Variants in SPATS2L observed in about 807,000 individuals in gnomAD.
SPATS2L encodes the protein spermatogenesis associated serine rich 2 like.
SPATS2L carries 30 observed loss-of-function variants against 59.6 expected under a neutral mutation model. The observed-to-expected ratio is 0.50, with a 90% CI of 0.38 to 0.68. The LOEUF (loss-of-function observed/expected upper bound fraction) is 0.68. Among genes scored for constraint, SPATS2L ranks in the 30% least tolerant of loss-of-function variants. SPATS2L has a pLI of 0.00. For synonymous variants in SPATS2L, 252 were observed against 263.5 expected, an observed-to-expected ratio of 0.96 and a Z score of 0.42; for missense variants, 615 against 700.0, an observed-to-expected ratio of 0.88 and a Z score of 1.37.
At chr2:200,365,983 C>A (rs1559071252) in intron 2 of SPATS2L, among the ~76,000 whole-genome samples, 1 of 152,144 alleles carries the variant, frequency 6.6e-6, no homozygotes, top group Non-Finnish European at 1.5e-5. Flanking sequence ...GAATGGTAGA[C>A]CTGTGTTTAA....
At chr2:200,352,733 T>C (rs2080784278) in intron 2 of SPATS2L, among the ~76,000 whole-genome samples, 1 of 152,190 alleles carries the variant, frequency 6.6e-6, no homozygotes, top group Non-Finnish European at 1.5e-5. Flanking sequence ...AGACAATTGC[T>C]TTCTTGTTCC....
chr2:200,424,626 A>G (rs1309685017), intron 6 of SPATS2L, among the ~76,000 whole-genome samples: 1 of 152,188 alleles, frequency 6.6e-6, no homozygotes, highest in Non-Finnish European at 1.5e-5. Context: ...CTCCTGCCCT[A>G]TGCTTCCTGA....
At chr2:200,424,895 G>A (rs753434351) in intron 6 of SPATS2L, among the ~76,000 whole-genome samples, 21 of 152,202 alleles carry the variant, frequency 1.4e-4, no homozygotes, top group African/African-American at 2.6e-4. Flanking sequence ...CCAAGTCTTC[G>A]GTCCCTGTTC....
intron 6 of SPATS2L, among the ~76,000 whole-genome samples, chr2:200,430,213 C>T (rs2083825931): frequency 6.6e-6 from 1 of 152,202 alleles, no homozygotes; most frequent in Non-Finnish European, 1.5e-5. Flanking sequence ...GATGGGCACT[C>T]ACACAATCCT....
chr2:200,402,103 T>A (rs988315198), intron 3 of SPATS2L, among the ~76,000 whole-genome samples: 9 of 152,226 alleles, frequency 5.9e-5, no homozygotes, highest in Non-Finnish European at 4.4e-5. Context: ...TTTGTGAGTC[T>A]TTTTCTACAC....
intron 2 of SPATS2L, among the ~76,000 whole-genome samples, chr2:200,346,151 G>A (rs945662446): frequency 6.6e-6 from 1 of 152,158 alleles, no homozygotes; most frequent in Non-Finnish European, 1.5e-5. Context: ...TATAATTTCA[G>A]AATGACTTCA....
At chr2:200,313,091 A>G (rs899944220) in intron 1 of SPATS2L, among the ~76,000 whole-genome samples, 3 of 152,228 alleles carry the variant, frequency 2.0e-5, no homozygotes, top group African/African-American at 7.2e-5. Flanking sequence ...TCTGACACCC[A>G]GGCCCTGCTT....
At chr2:200,369,031 AC>A (rs2081344508) in intron 2 of SPATS2L, among the ~76,000 whole-genome samples, 1 of 151,882 alleles carries the variant, frequency 6.6e-6, no homozygotes, top group African/African-American at 2.4e-5. Flanking sequence ...TCCAAGTCTA[AC>A]AGTCCATAAC....
At chr2:200,430,546 G>A (rs946862782) in intron 6 of SPATS2L, among the ~76,000 whole-genome samples, 1 of 151,482 alleles carries the variant, frequency 6.6e-6, no homozygotes, top group Non-Finnish European at 1.5e-5. Flanking sequence ...GATATTAAAC[G>A]GCCTGTGAAC....
Position 200,478,480 on chromosome 2 carries a change from TA to T in SPATS2L, c.*450del, listed in dbSNP as rs2087696372. 6.5e-6 allele frequency: 1 copy of T among 153,262 alleles called. No individual in the cohort carries two copies. The highest frequency in any genetic ancestry group is 1.5e-5 in the Non-Finnish European group (1 of 68,508). 9.5% of individuals were successfully genotyped at this position (153,262 alleles called of 1,614,324 possible). The stretch of plus-strand genomic sequence containing the variant: ...CATCTGGTGTTTTTCTGAAAAAATA[TA>T]TATACATATATTGCTTTATTTGAAA... On this transcript the variant is annotated 3_prime_UTR_variant, in exon 13 of 13. Transcript: ENST00000409140.
intron 8 of SPATS2L, among the ~76,000 whole-genome samples, chr2:200,442,589 CTG>C (rs1206662552): frequency 6.6e-6 from 1 of 152,240 alleles, no homozygotes; most frequent in Non-Finnish European, 1.5e-5. Context: ...AACTCTTCCT[CTG>C]AGCCCTCTGT....
chr2:200,382,777 G>GA (rs35896545), intron 2 of SPATS2L, among the ~76,000 whole-genome samples: 35 of 151,876 alleles, frequency 2.3e-4, no homozygotes, highest in Admixed American at 9.2e-4. Flanking sequence ...ACGGTAAAAT[G>GA]AAAAAAAATG....
intron 1 of SPATS2L, among the ~76,000 whole-genome samples, chr2:200,319,974 TCTTA>T (rs78983840): frequency 0.013 from 2,007 of 152,342 alleles, 15 homozygotes; most frequent in Non-Finnish European, 0.019. Context: ...GATGTTAGAC[TCTTA>T]CTTATTTATC....
At chr2:200,376,027 C>G (rs1455907760) in intron 2 of SPATS2L, among the ~76,000 whole-genome samples, 6 of 152,112 alleles carry the variant, frequency 3.9e-5, no homozygotes, top group Non-Finnish European at 8.8e-5. Flanking sequence ...GCAAGCAAGA[C>G]AGGAAGAATA....
intron 2 of SPATS2L, among the ~76,000 whole-genome samples, chr2:200,345,923 A>G (rs996522489): frequency 6.6e-6 from 1 of 152,154 alleles, no homozygotes; most frequent in Admixed American, 6.5e-5. Flanking sequence ...AGCAAACTGT[A>G]ACAAAGAAGT....
At chr2:200,433,728 A>T (rs1157318404) in intron 6 of SPATS2L, among the ~76,000 whole-genome samples, 1 of 152,118 alleles carries the variant, frequency 6.6e-6, no homozygotes, top group Non-Finnish European at 1.5e-5. Context: ...CTTAAATGAA[A>T]TGGACAAATT....
At chr2:200,348,235 A>G (rs1462692138) in intron 2 of SPATS2L, among the ~76,000 whole-genome samples, 1 of 152,230 alleles carries the variant, frequency 6.6e-6, no homozygotes, top group Non-Finnish European at 1.5e-5. Context: ...GTTATAGGGC[A>G]GTGACAGAAA....
At chr2:200,361,079 A>ACCCC (rs3036489) in intron 2 of SPATS2L, among the ~76,000 whole-genome samples, 6 of 73,932 alleles carry the variant, frequency 8.1e-5, no homozygotes, top group African/African-American at 3.2e-4. Flanking sequence ...TCCCCACCCC[A>ACCCC]CCCCCCCACA....
intron 8 of SPATS2L, among the ~76,000 whole-genome samples, chr2:200,457,973 A>G (rs138296045): frequency 0.02 from 2,989 of 152,368 alleles, 54 homozygotes; most frequent in Non-Finnish European, 0.033. Flanking sequence ...AATAAAGATG[A>G]TAACAGTGTT....
Sources: gnomAD v4.1 joint callset for allele counts (sites outside exome capture counted in the v4.1 genomes callset) on GRCh38, gnomAD v4.1.1 for gene constraint, MANE v1.5 for transcripts, NCBI Gene and HGNC (gene_info 2026-07-23, HGNC 2026-07-21) for gene names.